The following SCTR variants were observed in gnomAD, a reference collection of about 807,000 sequenced individuals.
The protein encoded by SCTR is secretin receptor.
Under a neutral mutation model 60.8 loss-of-function variants are expected in SCTR, and 56 were observed. That is an observed-to-expected ratio of 0.92 (90% CI 0.74 to 1.15). The LOEUF is 1.15. Ranked by LOEUF, SCTR falls within the 50% of genes most tolerant of loss-of-function variation. The pLI, the probability that SCTR is intolerant of heterozygous loss-of-function variation, is 0.00. For missense variants in SCTR, 562 were observed against 550.4 expected (o/e 1.02, Z -0.21); for synonymous variants, 202 against 217.0 (o/e 0.93, Z 0.61).
intron 7 of SCTR, among the ~76,000 whole-genome samples, chr2:119,455,990 G>T (rs1212954555): frequency 1.3e-5 from 2 of 151,446 alleles, no homozygotes; most frequent in African/African-American, 4.9e-5. Context: ...AAGCAAAATG[G>T]CATGGCACAT....
chr2:119,461,407 A>G (rs1469462128), intron 7 of SCTR, among the ~76,000 whole-genome samples: 4 of 152,212 alleles, frequency 2.6e-5, no homozygotes, highest in Admixed American at 2.0e-4. Flanking sequence ...ACATCAAGGA[A>G]CTTGTCTAAG....
intron 2 of SCTR, among the ~76,000 whole-genome samples, chr2:119,490,609 C>T (rs1170970125): frequency 6.6e-6 from 1 of 152,200 alleles, no homozygotes; most frequent in African/African-American, 2.4e-5. Context: ...AAGTCAAACA[C>T]CTGGGGGCCA....
chr2:119,475,676 G>C (rs1270149257), intron 3 of SCTR, among the ~76,000 whole-genome samples: 1 of 145,940 alleles, frequency 6.9e-6, no homozygotes, highest in Non-Finnish European at 1.5e-5. Flanking sequence ...ATTTATATTT[G>C]TATTATATTA....
chr2:119,517,358 C>T (rs1680003322), intron 1 of SCTR, among the ~76,000 whole-genome samples: 1 of 152,102 alleles, frequency 6.6e-6, no homozygotes, highest in Non-Finnish European at 1.5e-5. Flanking sequence ...ACAAGGTCTC[C>T]TATGTTGCCC....
At chr2:119,451,117 T>C (rs1683148682) in intron 9 of SCTR, among the ~76,000 whole-genome samples, 1 of 152,224 alleles carries the variant, frequency 6.6e-6, no homozygotes, top group South Asian at 2.1e-4. Flanking sequence ...GAAGGGGCCC[T>C]GTCCTGTGCC....
At chr2:119,492,940 C>A (rs887262369) in intron 2 of SCTR, among the ~76,000 whole-genome samples, 1 of 152,040 alleles carries the variant, frequency 6.6e-6, no homozygotes, top group Non-Finnish European at 1.5e-5. Flanking sequence ...TCTCTGCAGC[C>A]TCTACCTCCC....
At chr2:119,452,431 A>G (rs1478377429) in intron 8 of SCTR, among the ~76,000 whole-genome samples, 1 of 152,208 alleles carries the variant, frequency 6.6e-6, no homozygotes, top group Non-Finnish European at 1.5e-5. Flanking sequence ...GATGGCTGAC[A>G]TGTGACCTCA....
intron 1 of SCTR, among the ~76,000 whole-genome samples, chr2:119,501,905 A>G (rs764954614): frequency 6.6e-6 from 1 of 152,134 alleles, no homozygotes; most frequent in African/African-American, 2.4e-5. Context: ...TAAAAACTAA[A>G]CACACACAAA....
intron 3 of SCTR, among the ~76,000 whole-genome samples, chr2:119,475,619 T>G (rs1195209948): frequency 6.9e-6 from 1 of 145,650 alleles, no homozygotes; most frequent in Non-Finnish European, 1.5e-5. Context: ...TATATATATA[T>G]AGATGTAGAT....
chr2:119,445,403 A>G (rs1573787032), intron 11 of SCTR, among the ~76,000 whole-genome samples: 2 of 152,152 alleles, frequency 1.3e-5, no homozygotes, highest in African/African-American at 4.8e-5. Context: ...TGGGGCACTG[A>G]CGGGTTACTG....
At chr2:119,470,211 C>T (rs1573845454) in intron 4 of SCTR, among the ~76,000 whole-genome samples, 1 of 152,216 alleles carries the variant, frequency 6.6e-6, no homozygotes, top group South Asian at 2.1e-4. Context: ...TCTGAGTCCA[C>T]TATTGGTGTC....
intron 1 of SCTR, among the ~76,000 whole-genome samples, chr2:119,499,010 C>T (rs1678444558): frequency 6.6e-6 from 1 of 151,764 alleles, no homozygotes; most frequent in South Asian, 2.1e-4. Flanking sequence ...ATAATCTAGG[C>T]AGGTTGAAAG....
intron 7 of SCTR, 151 bp downstream of exon 7, chr2:119,461,696 A>T: frequency 1.7e-6 from 1 of 596,850 alleles, no homozygotes; most frequent in Non-Finnish European, 2.7e-6. Flanking sequence ...GGGCAACAAG[A>T]GCAAAACTCC....
chr2:119,444,440 T>TATATACGTACGTATATATATACAC (rs1682814731), intron 11 of SCTR, among the ~76,000 whole-genome samples: 1 of 28,290 alleles, frequency 3.5e-5, no homozygotes, highest in African/African-American at 1.6e-4. Context: ...AATATACACA[T>TATATACGTACGTATATATATACAC]ATATATACGT....
At chr2:119,457,288 A>G (rs1327013806) in intron 7 of SCTR, among the ~76,000 whole-genome samples, 2 of 152,230 alleles carry the variant, frequency 1.3e-5, no homozygotes, top group Non-Finnish European at 2.9e-5. Context: ...ATTGAAAGTA[A>G]AATTATTGTA....
At chr2:119,508,383 C>CTTTTTTTTTTTTTTTTTTTTTTTTT (rs34070844) in intron 1 of SCTR, among the ~76,000 whole-genome samples, 10 of 77,374 alleles carry the variant, frequency 1.3e-4, no homozygotes, top group Admixed American at 1.8e-4. Context: ...TCTTCTTCTT[C>CTTTTTTTTTTTTTTTTTTTTTTTTT]TTTTTTTTTT....
chr2:119,510,132 C>A (rs1487801391), intron 1 of SCTR, among the ~76,000 whole-genome samples: 3 of 150,786 alleles, frequency 2.0e-5, no homozygotes, highest in Non-Finnish European at 2.9e-5. Flanking sequence ...CTATCCCTCC[C>A]CCAGCCCCCT....
chr2:119,441,830 T>C (rs1682668188), intron 11 of SCTR, among the ~76,000 whole-genome samples: 1 of 151,748 alleles, frequency 6.6e-6, no homozygotes, highest in Non-Finnish European at 1.5e-5. Flanking sequence ...AAGGGTAGGC[T>C]CCCTTTTGAA....
chr2:119,489,221 C>T (rs972062310), intron 2 of SCTR, among the ~76,000 whole-genome samples: 3 of 152,196 alleles, frequency 2.0e-5, no homozygotes, highest in Non-Finnish European at 4.4e-5. Context: ...GTGACCAGGA[C>T]CACGTTGCTC....
Sources: allele counts gnomAD v4.1 joint callset (sites outside exome capture counted in the v4.1 genomes callset), GRCh38; gene constraint gnomAD v4.1.1; transcripts MANE v1.5; gene names NCBI Gene and HGNC (gene_info 2026-07-23, HGNC 2026-07-21).